Variants in CGGBP1 observed in about 807,000 individuals in gnomAD.
The protein encoded by CGGBP1 is CGG triplet repeat binding protein 1.
Under a neutral mutation model 11.4 loss-of-function variants are expected in CGGBP1, and 4 were observed. The observed-to-expected ratio is 0.35, with a 90% CI of 0.17 to 0.80. The LOEUF (loss-of-function observed/expected upper bound fraction) is 0.80. Among genes scored for constraint, CGGBP1 ranks in the 30% least tolerant of loss-of-function variants. The pLI is 0.52. For missense variants in CGGBP1, 135 were observed against 202.1 expected, an observed-to-expected ratio of 0.67 and a Z score of 2.01; for synonymous variants, 76 against 74.1, an observed-to-expected ratio of 1.03 and a Z score of -0.13.
intron 2 of CGGBP1, among the ~76,000 whole-genome samples, chr3:88,116,612 T>TTG (rs761236273): frequency 1.7e-4 from 26 of 149,918 alleles, no homozygotes; most frequent in Middle Eastern, 3.4e-3. Context: ...TGTATATATG[T>TTG]TGTGTGTGTG....
intron 2 of CGGBP1, among the ~76,000 whole-genome samples, chr3:88,085,594 T>C (rs754345159): frequency 1.3e-5 from 2 of 152,220 alleles, no homozygotes; most frequent in Non-Finnish European, 2.9e-5. Flanking sequence ...TTGATGTTTC[T>C]AAAATGTTTT....
chr3:88,136,695 G>C (rs1706806233), intron 2 of CGGBP1, among the ~76,000 whole-genome samples: 1 of 152,184 alleles, frequency 6.6e-6, no homozygotes, highest in Non-Finnish European at 1.5e-5. Flanking sequence ...GGCAGAGACT[G>C]TGTGTGTTAG....
intron 2 of CGGBP1, chr3:88,135,304 AAGG>A: frequency 2.9e-6 from 3 of 1,042,984 alleles, no homozygotes; most frequent in Non-Finnish European, 3.8e-6. Context: ...AACTGAAGGA[AAGG>A]AGGATTTTAA....
chr3:88,074,172 C>G (rs1396005623), intron 2 of CGGBP1, among the ~76,000 whole-genome samples: 3 of 152,080 alleles, frequency 2.0e-5, no homozygotes, highest in Non-Finnish European at 4.4e-5. Flanking sequence ...AAATTCTTCC[C>G]CTTCTAGAGT....
intron 2 of CGGBP1, among the ~76,000 whole-genome samples, chr3:88,093,721 G>A (rs1477228897): frequency 6.6e-6 from 1 of 152,186 alleles, no homozygotes; most frequent in East Asian, 1.9e-4. Context: ...TTTATGCCTA[G>A]CCTAACTTCA....
At chr3:88,080,253 T>C (rs548283223) in intron 2 of CGGBP1, among the ~76,000 whole-genome samples, 103 of 152,244 alleles carry the variant, frequency 6.8e-4, no homozygotes, top group Non-Finnish European at 1.1e-3. Context: ...GAGTAAAATT[T>C]GTTGTAATTA....
At position 88,127,886 on chromosome 3, in the gene CGGBP1, C is replaced by T. The variant is rs117504519; in HGVS notation, c.-229+13084G>A. Reference sequence around the variant, plus strand: ...AAAGACCAGAGTGAAGTTATCTTTGCATTAACAATACAAATCAGTGTTTGC... The same window carrying T: ...AAAGACCAGAGTGAAGTTATCTTTGTATTAACAATACAAATCAGTGTTTGC... On this transcript the variant is annotated intron_variant, in intron 2 of 3. Transcript: ENST00000462901. 3.1e-3 allele frequency among the ~76,000 whole-genome samples: 471 copies of T among 152,270 alleles called. 9 individuals carry two copies. In the East Asian group the frequency reaches 0.032, roughly 10 times the overall value.
intron 2 of CGGBP1, among the ~76,000 whole-genome samples, chr3:88,103,486 A>T (rs929332569): frequency 6.6e-6 from 1 of 152,198 alleles, no homozygotes. Flanking sequence ...AATTTAGGAA[A>T]ATCTAAAACT....
chr3:88,086,847 A>G (rs1228770681), intron 2 of CGGBP1, among the ~76,000 whole-genome samples: 2 of 152,176 alleles, frequency 1.3e-5, no homozygotes, highest in South Asian at 4.1e-4. Context: ...CAGTGGTGCC[A>G]TCTCGGCTCA....
Position 88,052,201 on chromosome 3 carries a change from A to G in CGGBP1, c.*3272T>C, listed in dbSNP as rs1250667792. ...CACTAGATAAGAATTGTATTTACCTAAGAAATCTATGATAGTGTGGGTGGA... is the reference window on the plus strand; with the variant it reads ...CACTAGATAAGAATTGTATTTACCTGAGAAATCTATGATAGTGTGGGTGGA... On this transcript the variant is annotated 3_prime_UTR_variant, in exon 4 of 4. Coordinates refer to ENST00000482016, the MANE Select transcript of CGGBP1 (RefSeq NM_001008390.2). 1 of 152,636 alleles carries G rather than the reference A, an allele frequency of 6.6e-6. No individual in the cohort carries two copies. Among genetic ancestry groups the G allele is most frequent in the East Asian group, 1.9e-4 (1 of 5,204 alleles). 9.5% of individuals were successfully genotyped at this position (152,636 alleles called of 1,614,324 possible).
chr3:88,098,604 C>A (rs1173327500), intron 2 of CGGBP1, among the ~76,000 whole-genome samples: 3 of 152,142 alleles, frequency 2.0e-5, no homozygotes, highest in African/African-American at 7.2e-5. Context: ...CAAACTGAAT[C>A]CAGCAGCACA....
chr3:88,136,674 A>C (rs1431701818), intron 2 of CGGBP1, among the ~76,000 whole-genome samples: 3 of 152,082 alleles, frequency 2.0e-5, no homozygotes, highest in African/African-American at 7.2e-5. Context: ...TGGGTGGGGG[A>C]TGAGACTAAT....
chr3:88,092,991 G>A (rs1387577842), intron 2 of CGGBP1, among the ~76,000 whole-genome samples: 2 of 152,174 alleles, frequency 1.3e-5, no homozygotes, highest in Non-Finnish European at 1.5e-5. Flanking sequence ...AAAAAGTCAT[G>A]TAGTGAATTG....
chr3:88,080,610 T>C (rs1451801812), intron 2 of CGGBP1, among the ~76,000 whole-genome samples: 1 of 152,096 alleles, frequency 6.6e-6, no homozygotes, highest in African/African-American at 2.4e-5. Context: ...TTCCAAAGCC[T>C]ATACTCTTTC....
chr3:88,069,460 C>T (rs966577976), intron 2 of CGGBP1, among the ~76,000 whole-genome samples: 1 of 152,100 alleles, frequency 6.6e-6, no homozygotes, highest in African/African-American at 2.4e-5. Context: ...TAGTCCACCC[C>T]CCAACCCACT....
intron 2 of CGGBP1, among the ~76,000 whole-genome samples, chr3:88,067,684 A>G (rs950735775): frequency 5.3e-5 from 8 of 152,348 alleles, no homozygotes; most frequent in Middle Eastern, 6.8e-3. Flanking sequence ...TTGAGATCCA[A>G]TCGTTGAATT....
intron 2 of CGGBP1, among the ~76,000 whole-genome samples, chr3:88,073,483 A>G (rs376133935): frequency 6.6e-6 from 1 of 152,216 alleles, no homozygotes; most frequent in East Asian, 1.9e-4. Context: ...AAAGTAAGCT[A>G]TCGAAGTATC....
chr3:88,106,643 C>CT (rs1020597619), intron 2 of CGGBP1, among the ~76,000 whole-genome samples: 2 of 151,990 alleles, frequency 1.3e-5, no homozygotes, highest in Non-Finnish European at 1.5e-5. Context: ...GGCCTCGGCC[C>CT]TTTTTTTCAT....
intron 2 of CGGBP1, among the ~76,000 whole-genome samples, chr3:88,134,085 T>G (rs1238082143): frequency 6.6e-6 from 1 of 151,268 alleles, no homozygotes; most frequent in Admixed American, 6.6e-5. Flanking sequence ...CTTGTGAGAG[T>G]TCTAAAAGAG....
Sources: gnomAD v4.1 joint callset for allele counts (sites outside exome capture counted in the v4.1 genomes callset) on GRCh38, gnomAD v4.1.1 for gene constraint, MANE v1.5 for transcripts, NCBI Gene and HGNC (gene_info 2026-07-23, HGNC 2026-07-21) for gene names.